Variants in TESMIN observed in about 807,000 individuals in gnomAD.
TESMIN encodes CXC domain containing 2.
In TESMIN, 34 loss-of-function variants were observed where a neutral mutation model predicts 47.4. The observed-to-expected ratio is 0.72, with a 90% confidence interval of 0.55 to 0.96. The LOEUF is 0.96. Among genes scored for constraint, TESMIN ranks in the 40% least tolerant of loss-of-function variants. TESMIN has a pLI of 0.00. For missense variants in TESMIN, 610 were observed against 637.2 expected, an observed-to-expected ratio of 0.96 and a Z score of 0.46; for synonymous variants, 278 against 258.9, an observed-to-expected ratio of 1.07 and a Z score of -0.71.
chr11:68,711,017 G>A lies in TESMIN; in HGVS notation c.1191C>T (p.Cys397=). 1 of 1,611,576 alleles carries A rather than the reference G, an allele frequency of 6.2e-7. No homozygotes were observed. The highest frequency in any genetic ancestry group is 8.5e-7 in the Non-Finnish European group (1 of 1,179,166). ...TTTCTTCATAATTTTTGCAACCAAT[G>A]CATTTGCAAATAGAAGAACACATAA... ...AQIMCSSICK[C]IGCKNYEESP... is the part of the protein sequence containing the mutation. The change falls in exon 9 of 10, where the codon TGC becomes TGT. Residue 397 remains cysteine, a synonymous_variant. Transcript: ENST00000255087.
chr11:68,737,034 A>G (rs1197373912), intron 6 of TESMIN: 1 of 985,354 alleles, frequency 1.0e-6, no homozygotes, highest in African/African-American at 1.7e-5. Flanking sequence ...TACAGCACAG[A>G]GGCAATACTA....
rs550030408 is a variant in TESMIN, at chr11:68,739,417, A to G, written c.829-629T>C. The stretch of plus-strand genomic sequence containing the variant: ...CTGGCCTACTTCTCTTCTACTCAGT[A>G]GCTTGAAGAAATTAACAGTACTAAA... On this transcript the variant is annotated intron_variant, in intron 5 of 9. Transcript: ENST00000255087. Among the ~76,000 whole-genome samples, 8 of 152,356 alleles carry G rather than the reference A, an allele frequency of 5.3e-5. No homozygotes were observed. The East Asian group carries it at 1.5e-3, about 29-fold the overall frequency.
At position 68,736,891 on chromosome 11, in the gene TESMIN, G is replaced by A. The variant is rs750771675; in HGVS notation, c.917+1809C>T. 31 of 985,454 alleles carry A rather than the reference G, an allele frequency of 3.1e-5. No individual in the cohort carries two copies. The East Asian group carries it at 5.7e-4, about 18-fold the overall frequency. The allele number at this position is 985,454 out of a possible 1,614,324, so 61.0% of individuals were successfully genotyped here. Reference sequence around the variant, plus strand: ...AAGGAGAAATAGCTGCCCTGAAAACGCTGTCATGACTGCTGCTCTGTGCAA... The same window carrying A: ...AAGGAGAAATAGCTGCCCTGAAAACACTGTCATGACTGCTGCTCTGTGCAA... On this transcript the variant is annotated intron_variant, in intron 6 of 9. Coordinates refer to ENST00000255087, the MANE Select transcript of TESMIN (RefSeq NM_004923.3).
At chr11:68,736,572 AT>A in intron 6 of TESMIN, 1 of 985,454 alleles carries the variant, frequency 1.0e-6, no homozygotes, top group Non-Finnish European at 1.2e-6. Context: ...CGAGATAAAA[AT>A]CATCAGGCCC....
At chr11:68,743,337 T>C in intron 4 of TESMIN, among the ~76,000 whole-genome samples, 1 of 151,462 alleles carries the variant, frequency 6.6e-6, no homozygotes, top group Non-Finnish European at 1.5e-5. Context: ...CTCAACCTTC[T>C]GGCCTCAAGC....
At chr11:68,721,049 A>G (rs770441742) in intron 6 of TESMIN, among the ~76,000 whole-genome samples, 1 of 95,062 alleles carries the variant, frequency 1.1e-5, no homozygotes, top group Non-Finnish European at 2.4e-5. Flanking sequence ...AGTAATAAAG[A>G]TAACATCTTT....
chr11:68,749,130 T>G (rs1209510123), intron 2 of TESMIN, among the ~76,000 whole-genome samples: 1 of 152,230 alleles, frequency 6.6e-6, no homozygotes, highest in African/African-American at 2.4e-5. Context: ...AATGCAGTTC[T>G]TAACATTTCA....
chr11:68,735,507 G>A (rs1462072512), intron 6 of TESMIN, among the ~76,000 whole-genome samples: 1 of 152,220 alleles, frequency 6.6e-6, no homozygotes, highest in Non-Finnish European at 1.5e-5. Flanking sequence ...TGTGGTCAGT[G>A]CTTCAGGGGA....
At chr11:68,749,484 G>C (rs191242568) in intron 2 of TESMIN, among the ~76,000 whole-genome samples, 6 of 152,320 alleles carry the variant, frequency 3.9e-5, no homozygotes, top group Non-Finnish European at 8.8e-5. Context: ...GAGGGGTCGA[G>C]AACACATTTT....
At chr11:68,737,908 G>A (rs191923816) in intron 6 of TESMIN, 3 of 970,498 alleles carry the variant, frequency 3.1e-6, no homozygotes, top group African/African-American at 1.8e-5. Flanking sequence ...GCAAGAGTCC[G>A]TCTCAAAAAA....
intron 9 of TESMIN, among the ~76,000 whole-genome samples, 171 bp from the exon 10 acceptor site, chr11:68,708,671 C>G (rs1946025829): frequency 6.6e-6 from 1 of 152,176 alleles, no homozygotes; most frequent in Non-Finnish European, 1.5e-5. Context: ...GCACAGTGGT[C>G]TGTAATCCCA....
chr11:68,706,318 A>G (rs1476403360), downstream of TESMIN, among the ~76,000 whole-genome samples: 1 of 152,200 alleles, frequency 6.6e-6, no homozygotes, highest in African/African-American at 2.4e-5. Context: ...GTGCCTGCCC[A>G]GGTTGGCTCT....
intron 6 of TESMIN, among the ~76,000 whole-genome samples, chr11:68,726,139 T>G (rs1946260794): frequency 6.6e-6 from 1 of 152,072 alleles, no homozygotes; most frequent in Non-Finnish European, 1.5e-5. Flanking sequence ...GAAGGCACAC[T>G]CAGGGTAGAA....
At chr11:68,714,109 C>A (rs1044481605) in intron 7 of TESMIN, among the ~76,000 whole-genome samples, 2 of 152,188 alleles carry the variant, frequency 1.3e-5, no homozygotes, top group African/African-American at 4.8e-5. Context: ...AACAATTCAA[C>A]GCTCTTTGTA....
intron 2 of TESMIN, among the ~76,000 whole-genome samples, chr11:68,748,961 G>A (rs780746137): frequency 3.9e-5 from 6 of 152,090 alleles, no homozygotes; most frequent in Non-Finnish European, 7.4e-5. Context: ...TCAGCCTCCC[G>A]AGTAGCTGGG....
rs1186118971 is a variant in TESMIN at position 68,716,626 on chromosome 11, G to A, written c.918-687C>T. Among the ~76,000 whole-genome samples the A allele has an allele frequency of 3.9e-5, 6 of 152,240 alleles. No homozygotes were observed. The East Asian group carries it at 1.2e-3, about 29-fold the overall frequency. On this transcript the variant is annotated intron_variant, in intron 6 of 9. Transcript: ENST00000255087. Reference sequence around the variant, plus strand: ...TGGCAGTGCTGTGGATTGGCTCTGAGGGCTTCCTGGGAGAGCCGCCAGTGC... The same window carrying A: ...TGGCAGTGCTGTGGATTGGCTCTGAAGGCTTCCTGGGAGAGCCGCCAGTGC...
intron 6 of TESMIN, chr11:68,736,076 AAAC>A (rs1946383769): frequency 1.0e-6 from 1 of 985,224 alleles, no homozygotes; most frequent in South Asian, 4.7e-5. Context: ...CATTCTAAAC[AAAC>A]TACACCACAA....
In TESMIN at chr11:68,713,346, T is replaced by TGCTTGTGTTG; in HGVS notation, c.1081_1082insCAACACAAGC (p.Asn361ThrfsTer29). Reference sequence around the variant, plus strand: ...CCCTTTGTTGTGCTGGGGCTTGACATTGCCCAATTGGCCCTTCCCAATTTT... The same window carrying TGCTTGTGTTG: ...CCCTTTGTTGTGCTGGGGCTTGACATGCTTGTGTTGTGCCCAATTGGCCCTTCCCAATTTT... On this transcript the variant is annotated frameshift_variant, in exon 8 of 10. Transcript: ENST00000255087. LOFTEE classifies it high-confidence loss of function. The TGCTTGTGTTG allele has an allele frequency of 6.2e-7, 1 of 1,614,198 alleles. No individual in the cohort carries two copies. The highest frequency in any genetic ancestry group is 2.2e-5 in the East Asian group (1 of 44,876).
At chr11:68,726,830 C>T (rs575772194) in intron 6 of TESMIN, among the ~76,000 whole-genome samples, 5 of 152,192 alleles carry the variant, frequency 3.3e-5, no homozygotes, top group African/African-American at 9.6e-5. Context: ...GTAATCCCAG[C>T]ACTTTGGGAT....
Sources: gnomAD v4.1 joint callset for allele counts (sites outside exome capture counted in the v4.1 genomes callset) on GRCh38, gnomAD v4.1.1 for gene constraint, MANE v1.5 for transcripts, NCBI Gene and HGNC (gene_info 2026-07-23, HGNC 2026-07-21) for gene names.